The following DIRAS2 variants were observed in gnomAD, a reference collection of about 807,000 sequenced individuals.
DIRAS2 encodes GTP-binding protein Di-Ras2.
Under a neutral mutation model 13.9 loss-of-function variants are expected in DIRAS2, and 5 were observed. The observed-to-expected ratio is 0.36, with a 90% CI of 0.19 to 0.76. The LOEUF (loss-of-function observed/expected upper bound fraction) is 0.76, where lower values mean the gene tolerates loss of function less well. Among genes scored for constraint, DIRAS2 ranks in the 30% least tolerant of loss-of-function variants. The pLI is 0.53. For missense variants in DIRAS2, 191 were observed against 263.0 expected (o/e 0.73, Z 1.89); for synonymous variants, 111 against 105.4 (o/e 1.05, Z -0.33).
At chr9:90,617,124 CT>C (rs1212375456) in intron 1 of DIRAS2, among the ~76,000 whole-genome samples, 1 of 152,204 alleles carries the variant, frequency 6.6e-6, no homozygotes, top group Non-Finnish European at 1.5e-5. Flanking sequence ...TGGTAGACAG[CT>C]TGTGTAAACT....
In DIRAS2 at chr9:90,612,204, T is replaced by G. The variant is rs1825121091; in HGVS notation, c.*1024A>C. On this transcript the variant is annotated 3_prime_UTR_variant, in exon 2 of 2. Coordinates refer to ENST00000375765, the MANE Select transcript of DIRAS2 (RefSeq NM_017594.5). ...GTGAATAACTTCTGTTTCAAAGTATTTCATTAAGGTGCAAAGTGTGGCATA... is the reference window on the plus strand; with the variant it reads ...GTGAATAACTTCTGTTTCAAAGTATGTCATTAAGGTGCAAAGTGTGGCATA... The G allele has an allele frequency of 6.6e-6, 1 of 152,626 alleles. No homozygotes were observed. Among genetic ancestry groups the G allele is most frequent in the South Asian group, 2.1e-4 (1 of 4,820 alleles). 9.5% of individuals were successfully genotyped at this position (152,626 alleles called of 1,614,324 possible).
At position 90,609,858 on chromosome 9, in the gene DIRAS2, G is replaced by A. The variant is rs531623805; in HGVS notation, c.*3370C>T. ...AGGGTGTCATAACTGTAGCTTTATT[G>A]TAATATCTCCCATTATTTCCAGAAC... On this transcript the variant is annotated 3_prime_UTR_variant, in exon 2 of 2. Transcript: ENST00000375765. 3 of 152,310 alleles carry A rather than the reference G, an allele frequency of 2.0e-5. No homozygotes were observed. Among genetic ancestry groups the A allele is most frequent in the African/African-American group, 4.8e-5 (2 of 41,558 alleles). 9.4% of individuals were successfully genotyped at this position (152,310 alleles called of 1,614,324 possible).
chr9:90,641,407 C>T (rs898138988), intron 1 of DIRAS2, among the ~76,000 whole-genome samples: 1 of 152,152 alleles, frequency 6.6e-6, no homozygotes, highest in South Asian at 2.1e-4. Flanking sequence ...CCTGTGCTTG[C>T]CCGGGACTAT....
chr9:90,634,341 A>T (rs1483905925), intron 1 of DIRAS2, among the ~76,000 whole-genome samples: 8 of 152,202 alleles, frequency 5.3e-5, no homozygotes, highest in African/African-American at 1.4e-4. Context: ...AGGAGCCATT[A>T]ATCAATGAAA....
At chr9:90,638,922 A>G (rs1347808030) in intron 1 of DIRAS2, among the ~76,000 whole-genome samples, 1 of 152,136 alleles carries the variant, frequency 6.6e-6, no homozygotes, top group Non-Finnish European at 1.5e-5. Context: ...GAGGAAGGAA[A>G]TCTTCCTCCT....
intron 1 of DIRAS2, among the ~76,000 whole-genome samples, chr9:90,615,706 G>T (rs192630998): frequency 2.2e-4 from 33 of 152,272 alleles, no homozygotes; most frequent in African/African-American, 7.5e-4. Context: ...ATACTGGAGG[G>T]CATGGCATGA....
At chr9:90,641,968 T>A (rs1825422614) in intron 1 of DIRAS2, among the ~76,000 whole-genome samples, 1 of 152,224 alleles carries the variant, frequency 6.6e-6, no homozygotes, top group African/African-American at 2.4e-5. Context: ...CAGCATTCAA[T>A]GGATGTAACA....
chr9:90,636,579 T>C (rs1825373515), intron 1 of DIRAS2, among the ~76,000 whole-genome samples: 3 of 152,230 alleles, frequency 2.0e-5, no homozygotes, highest in Admixed American at 1.3e-4. Flanking sequence ...CAACATGATT[T>C]TTTTCTCAAT....
rs184584297 is a variant in DIRAS2 at position 90,610,616 on chromosome 9, C to T, written c.*2612G>A. On this transcript the variant is annotated 3_prime_UTR_variant, in exon 2 of 2. Coordinates refer to ENST00000375765, the MANE Select transcript of DIRAS2 (RefSeq NM_017594.5). ...ACAGCTACATATTTGGGAATGGAAA[C>T]GTACAAATGCTTTAAAAAAATCTAA... is the stretch of plus-strand genomic sequence containing the variant. The T allele has an allele frequency of 1.2e-4, 46 of 390,454 alleles. No homozygotes were observed. The Admixed American group carries it at 1.3e-3, about 11-fold the overall frequency. The allele number at this position is 390,454 out of a possible 1,614,324, so 24.2% of individuals were successfully genotyped here.
At chr9:90,620,555 G>A (rs552677680) in intron 1 of DIRAS2, among the ~76,000 whole-genome samples, 3 of 152,160 alleles carry the variant, frequency 2.0e-5, no homozygotes, top group East Asian at 1.9e-4. Context: ...CCAGCAGTTC[G>A]AGAACAGCCT....
At chr9:90,634,064 TC>T (rs1229494248) in intron 1 of DIRAS2, among the ~76,000 whole-genome samples, 1 of 152,210 alleles carries the variant, frequency 6.6e-6, no homozygotes, top group Admixed American at 6.5e-5. Context: ...AAGTGTAAGT[TC>T]CTGCTGAGGG....
Position 90,613,157 on chromosome 9 carries a change from C to G in DIRAS2, c.*71G>C. 1.3e-6 allele frequency: 2 copies of G among 1,557,594 alleles called. No individual in the cohort carries two copies. The highest frequency in any genetic ancestry group is 1.7e-6 in the Non-Finnish European group (2 of 1,153,268). ...GTGGGCATTATACATGCTACCCTGACGACGGTGGGTGTCATTTTGGGGGAG... is the reference window on the plus strand; with the variant it reads ...GTGGGCATTATACATGCTACCCTGAGGACGGTGGGTGTCATTTTGGGGGAG... On this transcript the variant is annotated 3_prime_UTR_variant, in exon 2 of 2. Transcript: ENST00000375765. This position sits in a 1 kb window ranked among gnomAD's most constrained non-coding sequence, Gnocchi z 5.6.
At chr9:90,621,839 C>T (rs965361910) in intron 1 of DIRAS2, among the ~76,000 whole-genome samples, 1 of 152,208 alleles carries the variant, frequency 6.6e-6, no homozygotes. Flanking sequence ...TCCTCCACTA[C>T]CCTGATTTTT....
At chr9:90,625,550 T>C (rs1034945116) in intron 1 of DIRAS2, among the ~76,000 whole-genome samples, 3 of 152,206 alleles carry the variant, frequency 2.0e-5, no homozygotes, top group Non-Finnish European at 4.4e-5. Context: ...TATCCATTTA[T>C]CCCACCACCA....
chr9:90,621,960 T>C (rs1205073216), intron 1 of DIRAS2, among the ~76,000 whole-genome samples: 2 of 152,224 alleles, frequency 1.3e-5, no homozygotes, highest in Non-Finnish European at 2.9e-5. Context: ...TGTTTCTAAA[T>C]CCTACCAAAA....
chr9:90,632,896 C>A (rs1046339768), intron 1 of DIRAS2, among the ~76,000 whole-genome samples: 3 of 152,202 alleles, frequency 2.0e-5, no homozygotes, highest in African/African-American at 7.2e-5. Context: ...AACCACAGAA[C>A]ACTAGTGCAG....
chr9:90,625,559 C>A (rs2118561544), intron 1 of DIRAS2, among the ~76,000 whole-genome samples: 1 of 152,226 alleles, frequency 6.6e-6, no homozygotes, highest in South Asian at 2.1e-4. Flanking sequence ...ATCCCACCAC[C>A]ATTTGTTGAA....
At chr9:90,616,912 C>T (rs974510315) in intron 1 of DIRAS2, among the ~76,000 whole-genome samples, 5 of 152,148 alleles carry the variant, frequency 3.3e-5, no homozygotes, top group African/African-American at 1.2e-4. Context: ...TTACGCCCCA[C>T]TTCGCAGATG....
At chr9:90,619,659 C>T (rs1202348298) in intron 1 of DIRAS2, among the ~76,000 whole-genome samples, 1 of 152,070 alleles carries the variant, frequency 6.6e-6, no homozygotes, top group East Asian at 1.9e-4. Context: ...AAAGGTTAAA[C>T]AGAATTATAA....
Sources: allele counts gnomAD v4.1 joint callset (sites outside exome capture counted in the v4.1 genomes callset), GRCh38; gene constraint gnomAD v4.1.1; non-coding constraint Gnocchi (gnomAD v3.1); transcripts MANE v1.5; gene names NCBI Gene and HGNC (gene_info 2026-07-23, HGNC 2026-07-21).